Variants in VAV3 observed in about 807,000 individuals in gnomAD.
VAV3 encodes guanine nucleotide exchange factor VAV3.
In VAV3, 94 loss-of-function variants were observed where a neutral mutation model predicts 131.2. That is an observed-to-expected ratio of 0.72 (90% confidence interval 0.61 to 0.85). VAV3 has a LOEUF of 0.85. Ranked by LOEUF, VAV3 falls within the 40% of genes least tolerant of loss-of-function variation. VAV3 has a pLI of 0.00. For synonymous variants in VAV3, 349 were observed against 342.0 expected, an observed-to-expected ratio of 1.02 and a Z score of -0.22; for missense variants, 939 against 1,002.7, an observed-to-expected ratio of 0.94 and a Z score of 0.86.
intron 2 of VAV3, among the ~76,000 whole-genome samples, chr1:107,871,457 T>A: frequency 6.6e-6 from 1 of 151,688 alleles, no homozygotes; most frequent in East Asian, 1.9e-4. Flanking sequence ...CTCTGCTGAC[T>A]CTTAAATGAG....
rs74457985 is a variant in VAV3 at position 107,953,530 on chromosome 1, T to C, written c.204+11136A>G. ...ATGAAACCATAATGCTGCCTTGATA[T>C]GTGTAAAACATTTTAGTTGCTATTT... On this transcript the variant is annotated intron_variant, in intron 1 of 26. Coordinates refer to ENST00000370056, the MANE Select transcript of VAV3 (RefSeq NM_006113.5). Among the ~76,000 whole-genome samples the C allele has an allele frequency of 6.9e-3, 1,045 of 152,342 alleles. 11 individuals are homozygous for C. The highest frequency in any genetic ancestry group is 0.023 in the African/African-American group (969 of 41,572).
intron 19 of VAV3, among the ~76,000 whole-genome samples, chr1:107,655,958 A>G (rs566337371): frequency 1.3e-5 from 2 of 152,236 alleles, no homozygotes; most frequent in Non-Finnish European, 2.9e-5. Flanking sequence ...AACAAACACC[A>G]GTGAGGGTGT....
At chr1:107,683,442 C>T (rs1466509325) in intron 19 of VAV3, 46 bp downstream of exon 19, 2 of 1,603,536 alleles carry the variant, frequency 1.2e-6, no homozygotes, top group African/African-American at 2.7e-5. Context: ...CTTTCATAAG[C>T]ACTTAGCTGA....
At chr1:107,925,035 T>C (rs886071371) in intron 1 of VAV3, among the ~76,000 whole-genome samples, 4 of 152,200 alleles carry the variant, frequency 2.6e-5, no homozygotes, top group African/African-American at 9.7e-5. Context: ...ATATGGTACA[T>C]TTATAAGATG....
chr1:107,702,524 T>G (rs928021848), intron 17 of VAV3, among the ~76,000 whole-genome samples: 5 of 152,318 alleles, frequency 3.3e-5, no homozygotes, highest in African/African-American at 1.2e-4. Flanking sequence ...TAGATTTTAC[T>G]GCCATAGACA....
At chr1:107,755,180 A>G (rs1333874543) in intron 12 of VAV3, among the ~76,000 whole-genome samples, 1 of 152,142 alleles carries the variant, frequency 6.6e-6, no homozygotes, top group Non-Finnish European at 1.5e-5. Flanking sequence ...CTATATTTAG[A>G]TTCAGACTGC....
At position 107,664,416 on chromosome 1, in the gene VAV3, G is replaced by A. The variant is rs767553686; in HGVS notation, c.1777+19072C>T. On this transcript the variant is annotated intron_variant, in intron 19 of 26. Transcript: ENST00000370056. ...TGCCATGTGTCCACATGTTCTCATC[G>A]TTCAGTTCCTACTTATAAGTGAGAA... is the stretch of plus-strand genomic sequence containing the variant. Among the ~76,000 whole-genome samples, 9 of 151,612 alleles carry A rather than the reference G, an allele frequency of 5.9e-5. No homozygotes were observed. In the East Asian group the frequency reaches 7.7e-4, roughly 13 times the overall value.
intron 1 of VAV3, among the ~76,000 whole-genome samples, chr1:107,942,351 T>C (rs1335992050): frequency 6.6e-6 from 1 of 152,210 alleles, no homozygotes; most frequent in Non-Finnish European, 1.5e-5. Flanking sequence ...CAGAAATCTT[T>C]ACTCAGTGTA....
intron 2 of VAV3, among the ~76,000 whole-genome samples, chr1:107,821,848 AGAG>A (rs1244691625): frequency 2.0e-5 from 3 of 152,258 alleles, no homozygotes; most frequent in Non-Finnish European, 4.4e-5. Context: ...CCAATTAACA[AGAG>A]CAAGGTCTCG....
At chr1:107,743,292 T>A (rs1303471707) in intron 15 of VAV3, among the ~76,000 whole-genome samples, 1 of 152,062 alleles carries the variant, frequency 6.6e-6, no homozygotes, top group African/African-American at 2.4e-5. Context: ...TAAAGAGACA[T>A]GCAGAAGACG....
intron 20 of VAV3, among the ~76,000 whole-genome samples, chr1:107,630,181 C>T (rs1426402154): frequency 6.6e-6 from 1 of 152,118 alleles, no homozygotes; most frequent in African/African-American, 2.4e-5. Flanking sequence ...GGTGCATTAC[C>T]TATCCTGAGT....
At chr1:107,693,187 G>A (rs1424227796) in intron 17 of VAV3, among the ~76,000 whole-genome samples, 6 of 152,158 alleles carry the variant, frequency 3.9e-5, no homozygotes, top group African/African-American at 1.4e-4. Flanking sequence ...GCTCCTGTAT[G>A]TGTTGATCAT....
At chr1:107,621,022 C>T (rs1407216664) in intron 20 of VAV3, among the ~76,000 whole-genome samples, 1 of 151,442 alleles carries the variant, frequency 6.6e-6, no homozygotes, top group African/African-American at 2.4e-5. Context: ...ATAACTATGC[C>T]AGAACAAATG....
intron 2 of VAV3, among the ~76,000 whole-genome samples, chr1:107,853,784 T>A (rs570297932): frequency 1.3e-5 from 2 of 152,340 alleles, no homozygotes; most frequent in East Asian, 3.9e-4. Flanking sequence ...TAGGGCTAAT[T>A]TGACAATGTC....
chr1:107,642,632 C>G lies in VAV3; in HGVS notation c.1901G>C (p.Ser634Thr), dbSNP rs1330312412. 1 of 1,613,034 alleles carries G rather than the reference C, an allele frequency of 6.2e-7. No homozygotes were observed. Among genetic ancestry groups the G allele is most frequent in the East Asian group, 2.2e-5 (1 of 44,806 alleles). ...TVELLKGDAH[S>T]LFWQGRNLAS... Reference sequence around the variant, plus strand: ...CAACAACAGTACCTGCCAAAACAGACTGTGTGCATCTCCTTTCAGAAGTTC... The same window carrying G: ...CAACAACAGTACCTGCCAAAACAGAGTGTGTGCATCTCCTTTCAGAAGTTC... The change falls in exon 20 of 27, where the codon AGT becomes ACT. Residue 634 changes from serine (S) to threonine (T), a missense_variant. Transcript: ENST00000370056.
At chr1:107,694,080 G>A (rs1306266386) in intron 17 of VAV3, among the ~76,000 whole-genome samples, 1 of 152,210 alleles carries the variant, frequency 6.6e-6, no homozygotes, top group Non-Finnish European at 1.5e-5. Flanking sequence ...GTGCATGTGT[G>A]AGAAATAAAC....
chr1:107,806,918 C>A (rs1263612606), intron 2 of VAV3, among the ~76,000 whole-genome samples: 1 of 152,166 alleles, frequency 6.6e-6, no homozygotes. Flanking sequence ...TTTAAATCAT[C>A]TCTAGATCCC....
chr1:107,693,809 CAG>C (rs561098655), intron 17 of VAV3, among the ~76,000 whole-genome samples: 49 of 152,284 alleles, frequency 3.2e-4, no homozygotes, highest in Admixed American at 3.9e-4. Context: ...TATAATCTAA[CAG>C]GGGTAGAGAC....
intron 2 of VAV3, among the ~76,000 whole-genome samples, chr1:107,857,846 G>C (rs1571052166): frequency 6.6e-6 from 1 of 152,152 alleles, no homozygotes; most frequent in East Asian, 1.9e-4. Flanking sequence ...TTTTAGATCA[G>C]CTGGAGTTCG....
Sources: allele counts gnomAD v4.1 joint callset (sites outside exome capture counted in the v4.1 genomes callset), GRCh38; gene constraint gnomAD v4.1.1; transcripts MANE v1.5; gene names NCBI Gene and HGNC (gene_info 2026-07-23, HGNC 2026-07-21).